Variants in MED12L observed in about 807,000 individuals in gnomAD.
The protein encoded by MED12L is mediator of RNA polymerase II transcription subunit 12-like protein.
A neutral mutation model predicts 281.3 loss-of-function variants in MED12L; 60 were observed. The observed-to-expected ratio is 0.21, with a 90% CI of 0.17 to 0.26. MED12L has a LOEUF of 0.26. Ranked by LOEUF, MED12L falls within the 10% of genes least tolerant of loss-of-function variation. The pLI is 1.00. For missense variants in MED12L, 2,146 were observed against 2,680.9 expected (o/e 0.80, Z 4.41); for synonymous variants, 974 against 987.2 (o/e 0.99, Z 0.25).
chr3:151,242,707 G>A (rs576333462), intron 16 of MED12L, among the ~76,000 whole-genome samples: 10 of 152,320 alleles, frequency 6.6e-5, no homozygotes, highest in South Asian at 2.1e-4. Context: ...AAAAGAGAGC[G>A]CCTCTCCTCC....
chr3:151,345,101 T>TA lies in MED12L; in HGVS notation c.2251-4956dup, dbSNP rs1577387559. Among the ~76,000 whole-genome samples, 4 of 152,332 alleles carry TA rather than the reference T, an allele frequency of 2.6e-5. No individual in the cohort carries two copies. The East Asian group carries it at 7.7e-4, about 29-fold the overall frequency. On this transcript the variant is annotated intron_variant, in intron 16 of 44. Transcript: ENST00000687756. ...GCATGTTTCTAGTTTCTTCATCTATTAAGTTTCTGTGAGTATGAGATAATA... is the reference window on the plus strand; with the variant it reads ...GCATGTTTCTAGTTTCTTCATCTATTAAAGTTTCTGTGAGTATGAGATAATA...
intron 16 of MED12L, among the ~76,000 whole-genome samples, chr3:151,255,942 C>T (rs1737732075): frequency 6.6e-6 from 1 of 152,098 alleles, no homozygotes; most frequent in South Asian, 2.1e-4. Flanking sequence ...GTTTAAATCA[C>T]GTAAGGTGTA....
intron 16 of MED12L, among the ~76,000 whole-genome samples, chr3:151,323,351 G>C (rs1157409121): frequency 6.6e-6 from 1 of 152,154 alleles, no homozygotes; most frequent in Non-Finnish European, 1.5e-5. Context: ...GCACAGCCCA[G>C]AACATGTGGT....
At position 151,156,259 on chromosome 3, in the gene MED12L, G is replaced by A; in HGVS notation, c.655G>A (p.Val219Met). 1 of 1,613,358 alleles carries A rather than the reference G, an allele frequency of 6.2e-7. No individual in the cohort carries two copies. Among genetic ancestry groups the A allele is most frequent in the Non-Finnish European group, 8.5e-7 (1 of 1,179,732 alleles). The change falls in exon 6 of 45, where the codon GTG becomes ATG. Residue 219 changes from valine to methionine, a missense_variant. Val to Met is a conservative substitution (Grantham distance 21, BLOSUM62 1). Transcript: ENST00000687756. ...ASSTGDGPVP[V>M]PPEVEQAMKQ... ...CAGCACGGGCGATGGCCCTGTCCCT[G>A]TGCCACCAGAGGTGGAGCAAGCCAT...
chr3:151,098,722 A>G (rs1389103238), intron 2 of MED12L, among the ~76,000 whole-genome samples: 1 of 151,058 alleles, frequency 6.6e-6, no homozygotes, highest in East Asian at 2.0e-4. Flanking sequence ...AAATGAGGTC[A>G]CATTAACAGG....
intron 19 of MED12L, among the ~76,000 whole-genome samples, chr3:151,356,940 G>T (rs1307806335): frequency 1.3e-5 from 2 of 152,066 alleles, no homozygotes; most frequent in Admixed American, 1.3e-4. Context: ...GAGGGGTGGG[G>T]TTTTCTAAAA....
chr3:151,247,842 A>G (rs920338928), intron 16 of MED12L, among the ~76,000 whole-genome samples: 1 of 151,824 alleles, frequency 6.6e-6, no homozygotes, highest in African/African-American at 2.4e-5. Context: ...TGTTGACAAG[A>G]GTCACAGTTT....
chr3:151,242,916 C>T (rs1201304435), intron 16 of MED12L, among the ~76,000 whole-genome samples: 1 of 150,030 alleles, frequency 6.7e-6, no homozygotes, highest in African/African-American at 2.5e-5. Context: ...CAGAGAAGTG[C>T]TTAAAGGAGC....
At chr3:151,294,761 G>A (rs927762944) in intron 16 of MED12L, 4 of 1,614,152 alleles carry the variant, frequency 2.5e-6, no homozygotes, top group Non-Finnish European at 3.4e-6. Flanking sequence ...AACACAAACA[G>A]ATAAAACCTT....
At chr3:151,239,353 A>G (rs893351626) in intron 16 of MED12L, among the ~76,000 whole-genome samples, 1 of 152,234 alleles carries the variant, frequency 6.6e-6, no homozygotes, top group African/African-American at 2.4e-5. Flanking sequence ...TGTGCTGTCA[A>G]AGAAGAAAAT....
At chr3:151,213,848 T>C (rs1727634701) in intron 16 of MED12L, 8 of 1,614,144 alleles carry the variant, frequency 5.0e-6, no homozygotes, top group Non-Finnish European at 6.8e-6. Context: ...GTGAGAATAA[T>C]ATTTGGAACA....
intron 16 of MED12L, among the ~76,000 whole-genome samples, chr3:151,246,235 A>G (rs1215204336): frequency 2.0e-5 from 3 of 152,338 alleles, no homozygotes; most frequent in East Asian, 3.9e-4. Flanking sequence ...CCATCAAGCT[A>G]CCAATGCCTT....
intron 2 of MED12L, among the ~76,000 whole-genome samples, chr3:151,114,315 C>T (rs1056913993): frequency 6.6e-6 from 1 of 152,118 alleles, no homozygotes; most frequent in South Asian, 2.1e-4. Flanking sequence ...TTTCCTATAG[C>T]GGGGTCTTTT....
At chr3:151,219,212 TG>T (rs1728841133) in intron 16 of MED12L, among the ~76,000 whole-genome samples, 3 of 152,218 alleles carry the variant, frequency 2.0e-5, no homozygotes, top group Admixed American at 2.0e-4. Context: ...TTGTGCTGCA[TG>T]AAGTGTTTTC....
intron 16 of MED12L, among the ~76,000 whole-genome samples, chr3:151,206,216 AC>A (rs968019736): frequency 1.3e-4 from 20 of 151,892 alleles, no homozygotes; most frequent in Admixed American, 9.8e-4. Context: ...TGAAATGTAG[AC>A]GTATGGTTTC....
intron 3 of MED12L, 104 bp downstream of exon 3, chr3:151,116,546 T>C: frequency 1.4e-6 from 1 of 719,678 alleles, no homozygotes; most frequent in South Asian, 1.8e-5. Context: ...CCACAGTCCA[T>C]ATTCAGATTT....
chr3:151,422,091 G>A (rs897776455), intron 43 of MED12L, among the ~76,000 whole-genome samples: 1 of 152,136 alleles, frequency 6.6e-6, no homozygotes, highest in African/African-American at 2.4e-5. Flanking sequence ...GTGTGTGGTG[G>A]AGACCAGCAC....
intron 16 of MED12L, among the ~76,000 whole-genome samples, chr3:151,259,756 C>T (rs1287914609): frequency 1.3e-5 from 2 of 152,168 alleles, no homozygotes; most frequent in African/African-American, 4.8e-5. Context: ...TCCACTTAAA[C>T]GAGCTCATAG....
intron 16 of MED12L, chr3:151,214,092 A>G (rs756789856): frequency 6.2e-7 from 1 of 1,614,164 alleles, no homozygotes; most frequent in Non-Finnish European, 8.5e-7. Flanking sequence ...GGATCTTGAA[A>G]GGAAAAGTCA....
Sources: allele counts gnomAD v4.1 joint callset (sites outside exome capture counted in the v4.1 genomes callset), GRCh38; gene constraint gnomAD v4.1.1; transcripts MANE v1.5; gene names NCBI Gene and HGNC (gene_info 2026-07-23, HGNC 2026-07-21).